Variants in SCO2 observed in about 807,000 individuals in gnomAD.
The protein encoded by SCO2 is cytochrome c oxidase assembly factor SCO2.
For missense variants in SCO2, 429 were observed against 348.7 expected, an observed-to-expected ratio of 1.23 and a Z score of -1.83; for synonymous variants, 195 against 148.6, an observed-to-expected ratio of 1.31 and a Z score of -2.27.
chr22:50,524,536 G>T, intron 1 of SCO2, 112 bp from the exon 2 acceptor site: 1 of 945,246 alleles, frequency 1.1e-6, no homozygotes, highest in South Asian at 1.4e-5. Context: ...CCCACGTTCA[G>T]GCTTAACAGG....
chr22:50,526,284 C>T, upstream of SCO2: 2 of 1,547,690 alleles, frequency 1.3e-6, no homozygotes, highest in East Asian at 2.5e-5. Flanking sequence ...CTCCCGGGCG[C>T]GAGGCAGCAG....
In SCO2 at chr22:50,523,931, G is replaced by T; in HGVS notation, c.481C>A (p.Gln161Lys). Residue 161 changes from glutamine (Q) to lysine (K), a missense_variant, in exon 2 of 2, where the codon CAG becomes AAG. Gln to Lys is a moderately conservative substitution (Grantham distance 53). Transcript: ENST00000395693. ...LEAEPGLPPV[Q>K]PVFITVDPER... The stretch of plus-strand genomic sequence containing the variant: ...GGGTCCACAGTGATGAAGACAGGCT[G>T]CACTGGAGGCAAACCAGGCTCTGCT... The T allele has an allele frequency of 1.2e-6, 2 of 1,612,808 alleles. No homozygotes were observed. Among genetic ancestry groups the T allele is most frequent in the Non-Finnish European group, 1.7e-6 (2 of 1,179,200 alleles).
chr22:50,525,957 G>A, upstream of SCO2: 1 of 1,402,644 alleles, frequency 7.1e-7, no homozygotes, highest in Non-Finnish European at 9.2e-7. Context: ...CGCGGCCGGA[G>A]CTGGGCGGGG....
upstream of SCO2, chr22:50,526,190 T>A (rs1342932023): frequency 6.8e-7 from 1 of 1,476,542 alleles, no homozygotes; most frequent in East Asian, 2.8e-5. Flanking sequence ...GGGCGGGGCC[T>A]CGGGAAGGGA....
chr22:50,524,275 G>A lies in SCO2; in HGVS notation c.137C>T (p.Thr46Ile). 1 of 1,603,962 alleles carries A rather than the reference G, an allele frequency of 6.2e-7. No homozygotes were observed. The highest frequency in any genetic ancestry group is 8.5e-7 in the Non-Finnish European group (1 of 1,179,804). The change falls in exon 2 of 2, where the codon ACA becomes ATA. Residue 46 changes from threonine (T) to isoleucine (I), a missense_variant. Thr to Ile is a moderately conservative substitution (Grantham distance 89). Transcript: ENST00000395693. Reference sequence around the variant, plus strand: ...GCCCTGGGGCTGGCCCTGCCCACCTGTCTCTGCAGGGCCCTGCCTTGACAA... The same window carrying A: ...GCCCTGGGGCTGGCCCTGCCCACCTATCTCTGCAGGGCCCTGCCTTGACAA... ...WLLSRQGPAE[T>I]GGQGQPQGPG...
At chr22:50,524,694 C>T (rs771155587) in intron 1 of SCO2, 4 of 656,976 alleles carry the variant, frequency 6.1e-6, no homozygotes, top group Non-Finnish European at 8.7e-6. Context: ...CAAGGTGAAC[C>T]TCTTGCTGAC....
chr22:50,525,428 G>A (rs1227135694), intron 1 of SCO2, 44 bp downstream of exon 1: 2 of 367,820 alleles, frequency 5.4e-6, no homozygotes, highest in Non-Finnish European at 5.0e-6. Context: ...AGTCCAGCGA[G>A]TCCTCAGGGC....
At chr22:50,526,253 G>T, upstream of SCO2, 2 of 1,535,846 alleles carry the variant, frequency 1.3e-6, no homozygotes, top group East Asian at 2.5e-5. Flanking sequence ...CACCATCTGC[G>T]GGCGCCAGCA....
At chr22:50,525,779 C>T (rs768543479), upstream of SCO2, 23 of 1,610,642 alleles carry the variant, frequency 1.4e-5, no homozygotes, top group South Asian at 6.6e-5. Context: ...TTTATTGCTG[C>T]GGCGGCAGAA....
chr22:50,526,441 T>C (rs1416304340), upstream of SCO2: 4 of 1,497,528 alleles, frequency 2.7e-6, no homozygotes, highest in African/African-American at 5.8e-5. Context: ...TGGGCCTGAG[T>C]CCCCGCGTGT....
At position 50,525,573 on chromosome 22, in the gene SCO2, A is replaced by T. The variant is rs2069312528; in HGVS notation, c.-115T>A. 1.3e-6 allele frequency: 1 copy of T among 784,392 alleles called. No homozygotes were observed. The highest frequency in any genetic ancestry group is 2.9e-5 in the East Asian group (1 of 34,970). The allele number at this position is 784,392 out of a possible 1,614,324, so 48.6% of individuals were successfully genotyped here. Reference sequence around the variant, plus strand: ...CCGGCTCAGGGAAAGCGGGCGCCACACGCTCACAGGCAGGGCGCAGGCGTC... The same window carrying T: ...CCGGCTCAGGGAAAGCGGGCGCCACTCGCTCACAGGCAGGGCGCAGGCGTC... On this transcript the variant is annotated 5_prime_UTR_variant, in exon 1 of 2. Transcript: ENST00000395693.
At chr22:50,524,998 TC>T (rs2069277090) in intron 1 of SCO2, among the ~76,000 whole-genome samples, 1 of 151,924 alleles carries the variant, frequency 6.6e-6, no homozygotes, top group Non-Finnish European at 1.5e-5. Context: ...AACCCCACCC[TC>T]CTCACATCCA....
At chr22:50,525,859 C>G (rs764275775), upstream of SCO2, 20 of 1,600,176 alleles carry the variant, frequency 1.2e-5, no homozygotes, top group Non-Finnish European at 1.7e-5. Context: ...TCCTGCAGGG[C>G]GCGGCTCTGC....
At position 50,525,475 on chromosome 22, in the gene SCO2, G is replaced by T; in HGVS notation, c.-17C>A. 2.1e-6 allele frequency: 1 copy of T among 471,782 alleles called. No homozygotes were observed. Among genetic ancestry groups the T allele is most frequent in the South Asian group, 2.3e-5 (1 of 42,584 alleles). 29.2% of individuals were successfully genotyped at this position (471,782 alleles called of 1,614,324 possible). Reference sequence around the variant, plus strand: ...CTCCCAGCCCCGGCGTCCGCACCTCGCGGCGGGGCCGCGCGTCAGTGGACC... The same window carrying T: ...CTCCCAGCCCCGGCGTCCGCACCTCTCGGCGGGGCCGCGCGTCAGTGGACC... On this transcript the variant is annotated 5_prime_UTR_variant, in exon 1 of 2. Transcript: ENST00000395693.
upstream of SCO2, chr22:50,526,233 C>G: frequency 6.5e-7 from 1 of 1,528,962 alleles, no homozygotes; most frequent in Non-Finnish European, 8.7e-7. Flanking sequence ...ACGGGGACTC[C>G]CCCGACGCTC....
At chr22:50,524,920 C>T (rs2069270042) in intron 1 of SCO2, 1 of 344,554 alleles carries the variant, frequency 2.9e-6, no homozygotes, top group South Asian at 2.2e-5. Flanking sequence ...CCCCGGAGCT[C>T]AGACTCTGCC....
rs777327176 is a variant in SCO2 at position 50,523,709 on chromosome 22, C to T, written c.703G>A (p.Gly235Ser). ...CGGCCGTAGTAATCCGTGAAGAGGC[C>T]GTCAGGGTTGAGCAGGTAGATGGCA... is the stretch of plus-strand genomic sequence containing the variant. ...SIAIYLLNPD[G>S]LFTDYYGRSR... Residue 235 changes from glycine to serine, a missense_variant, in exon 2 of 2, where the codon GGC (glycine) becomes AGC (serine). Physicochemically the swap from Gly to Ser is moderately conservative, Grantham distance 56. Coordinates refer to ENST00000395693, the MANE Select transcript of SCO2 (RefSeq NM_005138.3). The T allele has an allele frequency of 1.4e-5, 23 of 1,614,062 alleles. No individual in the cohort carries two copies. The highest frequency in any genetic ancestry group is 4.4e-5 in the South Asian group (4 of 91,090).
upstream of SCO2, chr22:50,525,691 C>A: frequency 6.4e-7 from 1 of 1,556,196 alleles, no homozygotes. Context: ...ACGTGTTCAT[C>A]GAGACGGCCC....
chr22:50,524,835 T>C (rs1164695706), intron 1 of SCO2: 6 of 369,388 alleles, frequency 1.6e-5, no homozygotes, highest in South Asian at 7.9e-5. Context: ...CTCCAACACT[T>C]TCCTGTTACC....
Sources: gnomAD v4.1 joint callset for allele counts (sites outside exome capture counted in the v4.1 genomes callset) on GRCh38, gnomAD v4.1.1 for gene constraint, MANE v1.5 for transcripts, NCBI Gene and HGNC (gene_info 2026-07-23, HGNC 2026-07-21) for gene names.